Variants in KIF5A observed in about 807,000 individuals in gnomAD.
KIF5A encodes kinesin family member 5A, also known as kinesin heavy chain isoform 5A.
KIF5A carries 35 observed loss-of-function variants against 141.3 expected under a neutral mutation model. The observed-to-expected ratio is 0.25, with a 90% confidence interval of 0.19 to 0.33. KIF5A has a LOEUF of 0.33. KIF5A is among the 10% of genes least tolerant of loss of function. KIF5A has a pLI of 1.00. For missense variants in KIF5A, 861 were observed against 1,314.3 expected, an observed-to-expected ratio of 0.66 and a Z score of 5.33; for synonymous variants, 448 against 500.2, an observed-to-expected ratio of 0.90 and a Z score of 1.39.
chr12:57,575,949 A>C, intron 17 of KIF5A, 138 bp from the exon 18 acceptor site: 2 of 950,402 alleles, frequency 2.1e-6, no homozygotes, highest in Middle Eastern at 2.2e-4. Flanking sequence ...TTCCTGCTAT[A>C]TCAAATTGGA....
intron 13 of KIF5A, among the ~76,000 whole-genome samples, chr12:57,571,723 A>C (rs1882261402): frequency 6.6e-6 from 1 of 152,006 alleles, no homozygotes; most frequent in African/African-American, 2.4e-5. Context: ...GTGCACCACC[A>C]CACATGGCTA....
Position 57,550,506 on chromosome 12 carries a change from C to T in KIF5A, c.129+106C>T. On this transcript the variant is annotated intron_variant, in intron 1 of 28. Transcript: ENST00000455537. This position sits in a 1 kb window ranked among gnomAD's most constrained non-coding sequence, Gnocchi z 4.6. Reference sequence around the variant, plus strand: ...TGGTCCCTTTGCTCCCCCTCCCCGCCGCTCATCCTTCATCCTCTTCCCCGC... The same window carrying T: ...TGGTCCCTTTGCTCCCCCTCCCCGCTGCTCATCCTTCATCCTCTTCCCCGC... The T allele has an allele frequency of 4.1e-6, 5 of 1,206,002 alleles. No individual in the cohort carries two copies. The Admixed American group carries it at 5.8e-5, about 14-fold the overall frequency. 74.7% of individuals were successfully genotyped at this position (1,206,002 alleles called of 1,614,324 possible). A position where few individuals can be genotyped will look rare whatever the true frequency, so the allele number is the denominator to read the frequency against.
Position 57,572,469 on chromosome 12 carries a change from G to A in KIF5A, c.1570-111G>A, listed in dbSNP as rs1882286994. ...TTTCAGACTCTTCTGCAGGGCCTGT[G>A]TTCTCTTCATAGCAGCCCTCAGGGT... is the stretch of plus-strand genomic sequence containing the variant. On this transcript the variant is annotated intron_variant, in intron 14 of 28. Coordinates refer to ENST00000455537, the MANE Select transcript of KIF5A (RefSeq NM_004984.4). The surrounding 1 kb of genome is among the most constrained non-coding windows in gnomAD (Gnocchi z 4.2). The A allele has an allele frequency of 4.8e-6, 7 of 1,450,610 alleles. No homozygotes were observed. The South Asian group carries it at 7.2e-5, about 15-fold the overall frequency. The allele number at this position is 1,450,610 out of a possible 1,614,324, so 89.9% of individuals were successfully genotyped here.
Position 57,572,865 on chromosome 12 carries a change from C to G in KIF5A, c.1716+139C>G. ...TGCCTTTGAACTAGACCCAGGAAGA[C>G]AGGTAGAGGCTTGTATAGACCCAAT... On this transcript the variant is annotated intron_variant, in intron 15 of 28. Coordinates refer to ENST00000455537, the MANE Select transcript of KIF5A (RefSeq NM_004984.4). This position sits in a 1 kb window ranked among gnomAD's most constrained non-coding sequence, Gnocchi z 4.2. 1 of 1,043,514 alleles carries G rather than the reference C, an allele frequency of 9.6e-7. No homozygotes were observed. The highest frequency in any genetic ancestry group is 1.5e-6 in the Non-Finnish European group (1 of 668,954). The allele number at this position is 1,043,514 out of a possible 1,614,324, so 64.6% of individuals were successfully genotyped here.
chr12:57,580,204 C>T (rs1217989981), intron 23 of KIF5A, among the ~76,000 whole-genome samples: 1 of 152,144 alleles, frequency 6.6e-6, no homozygotes, highest in Non-Finnish European at 1.5e-5. Flanking sequence ...CCTTTTGCAA[C>T]CTATAGTGCC....
chr12:57,551,550 GTCGAGT>G (rs1226654690), intron 1 of KIF5A, among the ~76,000 whole-genome samples: 4 of 152,178 alleles, frequency 2.6e-5, no homozygotes, highest in Admixed American at 2.6e-4. Flanking sequence ...AAGATCTGGG[GTCGAGT>G]CCTGTAGGGC....
At chr12:57,552,495 C>T (rs1364485074) in intron 1 of KIF5A, among the ~76,000 whole-genome samples, 1 of 152,168 alleles carries the variant, frequency 6.6e-6, no homozygotes, top group Non-Finnish European at 1.5e-5. Flanking sequence ...TCACCCTAGC[C>T]CTCCCTGTCA....
chr12:57,555,947 A>G (rs1280286995), intron 1 of KIF5A, among the ~76,000 whole-genome samples: 1 of 151,582 alleles, frequency 6.6e-6, no homozygotes, highest in African/African-American at 2.4e-5. Context: ...AAGAAAAAAA[A>G]GAAAAAACAA....
intron 1 of KIF5A, among the ~76,000 whole-genome samples, chr12:57,558,171 G>A (rs535778673): frequency 8.1e-4 from 123 of 151,896 alleles, no homozygotes; most frequent in Non-Finnish European, 3.4e-4. Context: ...CTTTGAGGCC[G>A]AGGCGGGAGG....
In KIF5A at chr12:57,571,117, G is replaced by C. The variant is rs149194626; in HGVS notation, c.1294-204G>C. Among the ~76,000 whole-genome samples the C allele has an allele frequency of 3.6e-3, 543 of 152,094 alleles. 2 individuals carry two copies. Among genetic ancestry groups the C allele is most frequent in the Admixed American group, 7.9e-3 (120 of 15,260 alleles). ...GGCTAGCTAATATTTTAAATTTTTT[G>C]TAGAGACAGGGTCTCACTATGTTGC... On this transcript the variant is annotated intron_variant, in intron 12 of 28. Coordinates refer to ENST00000455537, the MANE Select transcript of KIF5A (RefSeq NM_004984.4).
rs908228394 is a variant in KIF5A at position 57,581,335 on chromosome 12, A to G, written c.2756-80A>G. 62 of 1,590,390 alleles carry G rather than the reference A, an allele frequency of 3.9e-5. No homozygotes were observed. In the African/African-American group the frequency reaches 7.9e-4, roughly 20 times the overall value. ...ATTATGTTACAAGCAACTCAGTTCA[A>G]CCCCAGCTAAATGACCTCAGGGACC... On this transcript the variant is annotated intron_variant, in intron 24 of 28. Transcript: ENST00000455537.
intron 15 of KIF5A, 81 bp from the exon 16 acceptor site, chr12:57,575,003 A>G (rs1216419689): frequency 2.7e-5 from 35 of 1,299,382 alleles, no homozygotes; most frequent in Non-Finnish European, 3.8e-5. Flanking sequence ...GTGGGTGTGT[A>G]TGGGTAGGTA....
Position 57,584,538 on chromosome 12 carries a change from A to G in KIF5A, c.*357A>G, listed in dbSNP as rs1213069602. On this transcript the variant is annotated 3_prime_UTR_variant, in exon 29 of 29. Transcript: ENST00000455537. ...CACTGAGTGGTGTTAGTCACTGAGT[A>G]GAGGTCACAGAGATGACAAAAGGAA... The G allele has an allele frequency of 6.6e-6, 1 of 152,658 alleles. No homozygotes were observed. Among genetic ancestry groups the G allele is most frequent in the African/African-American group, 2.4e-5 (1 of 41,440 alleles). The allele number at this position is 152,658 out of a possible 1,614,324, so 9.5% of individuals were successfully genotyped here.
intron 20 of KIF5A, 114 bp downstream of exon 20, chr12:57,576,976 G>GA (rs1345085632): frequency 1.3e-6 from 1 of 761,722 alleles, no homozygotes; most frequent in Non-Finnish European, 2.3e-6. Flanking sequence ...TGACTCATGG[G>GA]AAAAATATGA....
chr12:57,552,078 G>C (rs1207188621), intron 1 of KIF5A, among the ~76,000 whole-genome samples: 21 of 152,164 alleles, frequency 1.4e-4, no homozygotes, highest in Admixed American at 1.3e-3. Flanking sequence ...GAGTGTCCTG[G>C]ATAGCCAGCA....
At chr12:57,561,042 A>G (rs992353485) in intron 1 of KIF5A, among the ~76,000 whole-genome samples, 6 of 151,864 alleles carry the variant, frequency 4.0e-5, no homozygotes, top group African/African-American at 7.3e-5. Flanking sequence ...TTGTTTGTTT[A>G]TTTGTTTGTT....
Position 57,550,142 on chromosome 12 carries a change from C to A in KIF5A, c.-130C>A. ...CCCTGCTCCCCAGGCTTCGCCCGGG[C>A]GCCCTCAACTCTGTCCCCAGAGACT... On this transcript the variant is annotated 5_prime_UTR_variant, in exon 1 of 29. Transcript: ENST00000455537. This position sits in a 1 kb window ranked among gnomAD's most constrained non-coding sequence, Gnocchi z 4.6. 7.6e-7 allele frequency: 1 copy of A among 1,313,934 alleles called. No individual in the cohort carries two copies. Among genetic ancestry groups the A allele is most frequent in the Non-Finnish European group, 1.1e-6 (1 of 925,032 alleles). The allele number at this position is 1,313,934 out of a possible 1,614,324, so 81.4% of individuals were successfully genotyped here.
rs2140169316 is a variant in KIF5A, at chr12:57,577,785, C to T, written c.2361+12C>T. The T allele has an allele frequency of 6.2e-7, 1 of 1,608,420 alleles. No homozygotes were observed. The highest frequency in any genetic ancestry group is 1.3e-5 in the African/African-American group (1 of 74,898). ...TGGAGGAGACAGTTGTGAGTGGTTC[C>T]CTTCTGTGCCAAATTCACAGGACTG... On this transcript the variant is annotated intron_variant, in intron 21 of 28. Transcript: ENST00000455537.
rs536598126 is a variant in KIF5A at position 57,585,602 on chromosome 12, C to T, written c.*1421C>T. ...CTGGTGTCCTGATATCCAGTCTTTTCTAGGAGGAAGACCAAGATTCTCCAG... is the reference window on the plus strand; with the variant it reads ...CTGGTGTCCTGATATCCAGTCTTTTTTAGGAGGAAGACCAAGATTCTCCAG... On this transcript the variant is annotated 3_prime_UTR_variant, in exon 29 of 29. Coordinates refer to ENST00000455537, the MANE Select transcript of KIF5A (RefSeq NM_004984.4). 1 of 154,054 alleles carries T rather than the reference C, an allele frequency of 6.5e-6. No individual in the cohort carries two copies. The highest frequency in any genetic ancestry group is 1.9e-4 in the East Asian group (1 of 5,178). The allele number at this position is 154,054 out of a possible 1,614,324, so 9.5% of individuals were successfully genotyped here.
Sources: gnomAD v4.1 joint callset for allele counts (sites outside exome capture counted in the v4.1 genomes callset) on GRCh38, gnomAD v4.1.1 for gene constraint, Gnocchi (gnomAD v3.1) non-coding constraint, MANE v1.5 for transcripts, NCBI Gene and HGNC (gene_info 2026-07-23, HGNC 2026-07-21) for gene names.